GRIP1: variants seen among roughly 807,000 people sequenced by gnomAD.
GRIP1 encodes the protein glutamate receptor-interacting protein 1.
A neutral mutation model predicts 129.9 loss-of-function variants in GRIP1; 45 were observed. The ratio of observed to expected loss-of-function variants is 0.35; its 90% CI spans 0.27 to 0.44. GRIP1 has a LOEUF of 0.44. Among genes scored for constraint, GRIP1 ranks in the 20% least tolerant of loss-of-function variants. The probability of loss-of-function intolerance (pLI) is 1.00; values close to 1 mark genes in which losing one functional copy is unlikely to be tolerated. For synonymous variants in GRIP1, 530 were observed against 520.8 expected, an observed-to-expected ratio of 1.02 and a Z score of -0.24; for missense variants, 1,196 against 1,396.8, an observed-to-expected ratio of 0.86 and a Z score of 2.29.
intron 1 of GRIP1, among the ~76,000 whole-genome samples, chr12:66,689,320 C>A (rs1254501936): frequency 6.6e-6 from 1 of 152,120 alleles, no homozygotes; most frequent in Non-Finnish European, 1.5e-5. Flanking sequence ...CAAGGGGGAG[C>A]CGAAGTCCAG....
At chr12:66,464,924 T>TAAAAGGGC (rs2059239982) in intron 8 of GRIP1, among the ~76,000 whole-genome samples, 1 of 147,420 alleles carries the variant, frequency 6.8e-6, no homozygotes, top group South Asian at 2.1e-4. Context: ...TGCAATTTTG[T>TAAAAGGGC]AAAGGGGCAC....
chr12:66,668,059 C>G (rs2033890129), intron 1 of GRIP1, among the ~76,000 whole-genome samples: 1 of 152,110 alleles, frequency 6.6e-6, no homozygotes, highest in Non-Finnish European at 1.5e-5. Context: ...TTAGAACTGC[C>G]CTTTTTACTT....
intron 7 of GRIP1, among the ~76,000 whole-genome samples, chr12:66,470,007 T>G (rs143288504): frequency 4.0e-4 from 61 of 152,206 alleles, no homozygotes; most frequent in African/African-American, 1.4e-3. Context: ...TCCTTATAAA[T>G]TCCTCTTGAT....
intron 1 of GRIP1, among the ~76,000 whole-genome samples, chr12:66,699,060 C>G (rs2035261471): frequency 1.3e-5 from 2 of 152,080 alleles, no homozygotes; most frequent in African/African-American, 4.8e-5. Flanking sequence ...CTCATCCACA[C>G]CCACTTCACA....
chr12:66,944,561 G>A (rs2041636672), intron 1 of GRIP1, among the ~76,000 whole-genome samples: 6 of 152,048 alleles, frequency 3.9e-5, no homozygotes, highest in Admixed American at 3.9e-4. Context: ...CTGAGGGAAA[G>A]AAGGCACTTA....
chr12:66,398,671 G>A (rs1289052309), intron 16 of GRIP1, among the ~76,000 whole-genome samples: 1 of 151,952 alleles, frequency 6.6e-6, no homozygotes, highest in African/African-American at 2.4e-5. Flanking sequence ...ACAAGGAGAA[G>A]AGTGAAATTA....
At chr12:66,480,047 A>C (rs1054047576) in intron 7 of GRIP1, among the ~76,000 whole-genome samples, 11 of 152,170 alleles carry the variant, frequency 7.2e-5, no homozygotes, top group Non-Finnish European at 1.6e-4. Context: ...CCTATTCAAC[A>C]TAGTATTGGA....
chr12:66,591,159 C>T (rs1023577698), intron 2 of GRIP1, among the ~76,000 whole-genome samples: 30 of 151,980 alleles, frequency 2.0e-4, no homozygotes, highest in South Asian at 1.9e-3. Context: ...TTTCATATAG[C>T]GATAACTACT....
chr12:66,758,672 G>A (rs964650312), intron 1 of GRIP1, among the ~76,000 whole-genome samples: 2 of 152,188 alleles, frequency 1.3e-5, no homozygotes, highest in African/African-American at 4.8e-5. Flanking sequence ...AAGATACAAT[G>A]GAGGTACAGG....
intron 1 of GRIP1, among the ~76,000 whole-genome samples, chr12:66,704,923 C>T (rs575374788): frequency 7.0e-4 from 107 of 152,174 alleles, no homozygotes; most frequent in Admixed American, 1.0e-3. Context: ...TCCTGAAGTC[C>T]TCTTCATGCA....
intron 1 of GRIP1, among the ~76,000 whole-genome samples, chr12:66,779,824 T>A (rs1320186830): frequency 1.3e-5 from 2 of 152,170 alleles, no homozygotes; most frequent in Non-Finnish European, 2.9e-5. Context: ...TAGAGAATGA[T>A]GGGGAAGCTA....
At chr12:66,418,077 CA>C (rs1038610330) in intron 15 of GRIP1, among the ~76,000 whole-genome samples, 1 of 151,848 alleles carries the variant, frequency 6.6e-6, no homozygotes, top group Non-Finnish European at 1.5e-5. Flanking sequence ...ATGGCACTGA[CA>C]AAAAAACACA....
chr12:66,574,996 T>C (rs1458434603), intron 2 of GRIP1, among the ~76,000 whole-genome samples: 2 of 152,174 alleles, frequency 1.3e-5, no homozygotes, highest in East Asian at 3.9e-4. Context: ...CATCCCGAAC[T>C]TCTGACTTCA....
chr12:67,041,410 G>C (rs2135813651), intron 1 of GRIP1, among the ~76,000 whole-genome samples: 1 of 152,234 alleles, frequency 6.6e-6, no homozygotes, highest in African/African-American at 2.4e-5. Flanking sequence ...AGAGAGAAGA[G>C]AGAGAGATGG....
intron 1 of GRIP1, among the ~76,000 whole-genome samples, chr12:66,774,011 C>G (rs1262851270): frequency 6.6e-6 from 1 of 150,916 alleles, no homozygotes; most frequent in African/African-American, 2.4e-5. Flanking sequence ...CTGAATGGTG[C>G]TAGAAGATGG....
chr12:66,381,699 A>T (rs1048581753), intron 19 of GRIP1, among the ~76,000 whole-genome samples: 2 of 152,238 alleles, frequency 1.3e-5, no homozygotes, highest in African/African-American at 2.4e-5. Context: ...CTTAGGCAAG[A>T]GTGCAAGAAT....
chr12:66,732,399 C>T (rs932210522), intron 1 of GRIP1, among the ~76,000 whole-genome samples: 1 of 152,016 alleles, frequency 6.6e-6, no homozygotes, highest in Non-Finnish European at 1.5e-5. Context: ...AAAACAGTTA[C>T]AAAATTGGCT....
In GRIP1 at chr12:66,983,799, T is replaced by C. The variant is rs140348462; in HGVS notation, c.58+85251A>G. 2.3e-3 allele frequency among the ~76,000 whole-genome samples: 344 copies of C among 152,320 alleles called. 3 individuals are homozygous for C. Among genetic ancestry groups the C allele is most frequent in the African/African-American group, 8.1e-3 (335 of 41,588 alleles). ...TACTGTGCATGAAGTGATTAAATAG[T>C]ATTGCCCTTGGCTGCTGAGACTGAG... On this transcript the variant is annotated intron_variant, in intron 1 of 1. Transcript: ENST00000643019.
rs191578233 is a variant in GRIP1 at position 66,864,659 on chromosome 12, A to G, written c.58+204391T>C. Among the ~76,000 whole-genome samples the G allele has an allele frequency of 5.0e-3, 768 of 152,280 alleles. 7 individuals are homozygous for G. The highest frequency in any genetic ancestry group is 5.8e-3 in the Non-Finnish European group (397 of 68,016). On this transcript the variant is annotated intron_variant, in intron 1 of 1. Transcript: ENST00000643019. ...CTTGAGTTTAGTAGCTCAAGGTTGC[A>G]GTGAGCTATGATCACTCTAGCCTGG...
Sources: gnomAD v4.1 joint callset for allele counts (sites outside exome capture counted in the v4.1 genomes callset) on GRCh38, gnomAD v4.1.1 for gene constraint, MANE v1.5 for transcripts, NCBI Gene and HGNC (gene_info 2026-07-23, HGNC 2026-07-21) for gene names.